COL4A2: variants seen among roughly 807,000 people sequenced by gnomAD.
The protein encoded by COL4A2 is collagen type IV alpha 2 chain.
COL4A2 carries 99 observed loss-of-function variants against 200.2 expected under a neutral mutation model. The ratio of observed to expected loss-of-function variants is 0.49; its 90% confidence interval spans 0.42 to 0.58. COL4A2 has a LOEUF of 0.58. Ranked by LOEUF, COL4A2 falls within the 20% of genes least tolerant of loss-of-function variation. The probability of loss-of-function intolerance (pLI) is 0.00; values close to 1 mark genes in which losing one functional copy is unlikely to be tolerated. For synonymous variants in COL4A2, 897 were observed against 900.6 expected (o/e 1.00, Z 0.07); for missense variants, 1,950 against 2,314.1 (o/e 0.84, Z 3.23).
intron 46 of COL4A2, 96 bp from the exon 47 acceptor site, chr13:110,507,839 G>A (rs1487452402): frequency 1.4e-5 from 18 of 1,317,350 alleles, no homozygotes; most frequent in South Asian, 1.2e-4. Context: ...GCCCTGGGGC[G>A]AGTCCGTGAC....
rs188910542 is a variant in COL4A2, at chr13:110,503,619, C to T, written c.4138+138C>T. ...GTAAAGAGCAGGGAGGAAACCAAGG[C>T]TGTGCCTCGGATGTTGTCACAGGAC... On this transcript the variant is annotated intron_variant, in intron 43 of 47. Coordinates refer to ENST00000360467, the MANE Select transcript of COL4A2 (RefSeq NM_001846.4). The T allele has an allele frequency of 8.4e-6, 6 of 718,010 alleles. No homozygotes were observed. The South Asian group carries it at 9.5e-5, about 11-fold the overall frequency. The allele number at this position is 718,010 out of a possible 1,614,324, so 44.5% of individuals were successfully genotyped here. A position where few individuals can be genotyped will look rare whatever the true frequency, so the allele number is the denominator to read the frequency against.
At chr13:110,418,421 G>C (rs553103066) in intron 4 of COL4A2, among the ~76,000 whole-genome samples, 8 of 152,266 alleles carry the variant, frequency 5.3e-5, no homozygotes, top group African/African-American at 1.9e-4. Flanking sequence ...ATCTAAGAAA[G>C]CTTTGCCTAA....
intron 36 of COL4A2, among the ~76,000 whole-genome samples, chr13:110,490,369 G>C (rs1371789867): frequency 6.6e-6 from 1 of 152,186 alleles, no homozygotes; most frequent in African/African-American, 2.4e-5. Context: ...ATTTTCTTTT[G>C]GGGGGACCCC....
chr13:110,453,063 G>A (rs1427535436), intron 20 of COL4A2, among the ~76,000 whole-genome samples: 1 of 152,130 alleles, frequency 6.6e-6, no homozygotes, highest in Admixed American at 6.5e-5. Flanking sequence ...ACCACACCTG[G>A]CCTTTAATTT....
At chr13:110,310,089 C>T (rs542363931) in intron 3 of COL4A2, among the ~76,000 whole-genome samples, 44 of 152,366 alleles carry the variant, frequency 2.9e-4, no homozygotes, top group East Asian at 3.9e-4. Context: ...TGAAGAATTA[C>T]GGCTTCACAG....
chr13:110,322,230 G>A (rs1485224877), intron 3 of COL4A2, among the ~76,000 whole-genome samples: 5 of 152,216 alleles, frequency 3.3e-5, no homozygotes, highest in African/African-American at 9.6e-5. Flanking sequence ...CTGCCTGCCT[G>A]TCTCTCGGAG....
chr13:110,493,811 T>C (rs373570267), intron 39 of COL4A2, among the ~76,000 whole-genome samples: 1,265 of 108,430 alleles, frequency 0.012, 14 homozygotes, highest in African/African-American at 0.031. Flanking sequence ...GCCAGCGTGG[T>C]CGGGTTCTGG....
intron 4 of COL4A2, among the ~76,000 whole-genome samples, chr13:110,387,806 C>T (rs1156792526): frequency 6.6e-6 from 1 of 152,170 alleles, no homozygotes; most frequent in Non-Finnish European, 1.5e-5. Context: ...TCCCGCCCAG[C>T]TGCTGCAGCT....
chr13:110,415,511 T>C (rs2139444658), intron 4 of COL4A2, among the ~76,000 whole-genome samples: 1 of 152,304 alleles, frequency 6.6e-6, no homozygotes, highest in African/African-American at 2.4e-5. Flanking sequence ...CCCCTCCCCA[T>C]GCCCACTGCC....
intron 22 of COL4A2, 106 bp from the exon 23 acceptor site, chr13:110,462,008 G>T: frequency 6.6e-7 from 1 of 1,515,164 alleles, no homozygotes; most frequent in South Asian, 1.2e-5. Flanking sequence ...GTTTGGTGAC[G>T]GGTGACTGCC....
chr13:110,376,764 C>T (rs1878254543), intron 4 of COL4A2, among the ~76,000 whole-genome samples: 1 of 152,112 alleles, frequency 6.6e-6, no homozygotes, highest in Non-Finnish European at 1.5e-5. Flanking sequence ...AGGGGCCCTA[C>T]TTGTAATTCA....
At position 110,508,168 on chromosome 13, in the gene COL4A2, C is replaced by T. The variant is rs377451586; in HGVS notation, c.4828C>T (p.Pro1610Ser). 1.1e-4 allele frequency: 185 copies of T among 1,614,152 alleles called. No homozygotes were observed. The highest frequency in any genetic ancestry group is 1.4e-4 in the Non-Finnish European group (169 of 1,180,056). Residue 1610 changes from proline (P) to serine (S), a missense_variant, in exon 47 of 48, where the codon CCA (proline) becomes TCA (serine). Pro to Ser is a moderately conservative substitution (Grantham distance 74). Coordinates refer to ENST00000360467, the MANE Select transcript of COL4A2 (RefSeq NM_001846.4). This position sits in a 1 kb window ranked among gnomAD's most constrained non-coding sequence, Gnocchi z 6.1. ...IAVHSQDVSI[P>S]HCPAGWRSLW... ...GGTCCACAGTCAGGATGTCTCCATCCCACACTGCCCAGCTGGGTGGCGGAG... is the reference window on the plus strand; with the variant it reads ...GGTCCACAGTCAGGATGTCTCCATCTCACACTGCCCAGCTGGGTGGCGGAG...
At chr13:110,464,632 G>T (rs894450149) in intron 24 of COL4A2, among the ~76,000 whole-genome samples, 2 of 152,228 alleles carry the variant, frequency 1.3e-5, no homozygotes, top group Admixed American at 1.3e-4. Context: ...CAAGGAAGGG[G>T]CTGTGGTGTC....
chr13:110,358,541 A>C (rs887891472), intron 4 of COL4A2, among the ~76,000 whole-genome samples: 3 of 152,250 alleles, frequency 2.0e-5, no homozygotes, highest in Non-Finnish European at 2.9e-5. Flanking sequence ...AGTGTCATAC[A>C]CTGCATGTAA....
intron 16 of COL4A2, 95 bp from the exon 17 acceptor site, chr13:110,445,732 CTG>C (rs1262250927): frequency 6.9e-7 from 1 of 1,458,594 alleles, no homozygotes; most frequent in South Asian, 1.2e-5. Context: ...CTTTAATAAA[CTG>C]TTGTTCATTT....
intron 20 of COL4A2, among the ~76,000 whole-genome samples, chr13:110,450,711 T>C (rs1881509721): frequency 6.6e-6 from 1 of 152,178 alleles, no homozygotes; most frequent in Non-Finnish European, 1.5e-5. Context: ...CAGTGAGGTT[T>C]AGTTGCTGCA....
At chr13:110,325,898 C>A (rs1390420006) in intron 3 of COL4A2, among the ~76,000 whole-genome samples, 1 of 152,086 alleles carries the variant, frequency 6.6e-6, no homozygotes, top group African/African-American at 2.4e-5. Context: ...ATTCTCCTGC[C>A]TCAGCCTCCC....
At chr13:110,380,030 G>A (rs1179655989) in intron 4 of COL4A2, among the ~76,000 whole-genome samples, 1 of 152,206 alleles carries the variant, frequency 6.6e-6, no homozygotes, top group Non-Finnish European at 1.5e-5. Context: ...GGCCTGTGTT[G>A]CCAGCTAGTC....
At chr13:110,321,133 A>G (rs1885264392) in intron 3 of COL4A2, among the ~76,000 whole-genome samples, 1 of 151,922 alleles carries the variant, frequency 6.6e-6, no homozygotes, top group African/African-American at 2.4e-5. Context: ...TAATCTTACT[A>G]ATGTCACATC....
Sources: gnomAD v4.1 joint callset for allele counts (sites outside exome capture counted in the v4.1 genomes callset) on GRCh38, gnomAD v4.1.1 for gene constraint, Gnocchi (gnomAD v3.1) non-coding constraint, MANE v1.5 for transcripts, NCBI Gene and HGNC (gene_info 2026-07-23, HGNC 2026-07-21) for gene names.